The following MAFG variants were observed in gnomAD, a reference collection of about 807,000 sequenced individuals.
MAFG encodes the protein MAF bZIP transcription factor G.
MAFG carries 3 observed loss-of-function variants against 12.2 expected under a neutral mutation model. The observed-to-expected ratio is 0.25, with a 90% CI of 0.11 to 0.64. The LOEUF is 0.64. Among genes scored for constraint, MAFG ranks in the 30% least tolerant of loss-of-function variants. The pLI, the probability that MAFG is intolerant of heterozygous loss-of-function variation, is 0.85. For synonymous variants in MAFG, 126 were observed against 109.1 expected, an observed-to-expected ratio of 1.15 and a Z score of -0.96; for missense variants, 153 against 235.5, an observed-to-expected ratio of 0.65 and a Z score of 2.29.
chr17:81,927,234 G>A lies in MAFG; in HGVS notation c.-30+294C>T, dbSNP rs1019111347. On this transcript the variant is annotated intron_variant, in intron 1 of 2. Coordinates refer to ENST00000357736, the MANE Select transcript of MAFG (RefSeq NM_002359.4). ...CAGTGCCCCTCCCTCCAGGACGCCC[G>A]GGTCTCCGAGTCCGCTCCGCACTCG... Among the ~76,000 whole-genome samples, 5 of 151,458 alleles carry A rather than the reference G, an allele frequency of 3.3e-5. No homozygotes were observed. The East Asian group carries it at 7.8e-4, about 24-fold the overall frequency.
At chr17:81,923,784 C>T (rs1261546386) in intron 1 of MAFG, among the ~76,000 whole-genome samples, 1 of 152,214 alleles carries the variant, frequency 6.6e-6, no homozygotes, top group African/African-American at 2.4e-5. Context: ...CAGCCACCTC[C>T]CCTGAGCCGG....
rs1328125289 is a variant in MAFG, at chr17:81,923,002, G to A, written c.92C>T (p.Thr31Ile). Residue 31 changes from threonine to isoleucine, a missense_variant, in exon 3 of 3, where the codon ACC becomes ATC. Around this residue, in one of 3 missense-constraint regions of MAFG, gnomAD observed 43 missense variants for 65.6 expected, o/e 0.66. Transcript: ENST00000357736. ...CTGGTTCAGCTCCCGCACCGACATGGTCACCAGCTCCTCATCCGTCAGGCT... is the reference window on the plus strand; with the variant it reads ...CTGGTTCAGCTCCCGCACCGACATGATCACCAGCTCCTCATCCGTCAGGCT... Reference protein sequence around the residue: ...GTSLTDEELVTMSVRELNQHL... With the variant: ...GTSLTDEELVIMSVRELNQHL... The A allele has an allele frequency of 6.3e-7, 1 of 1,597,906 alleles. No homozygotes were observed. Among genetic ancestry groups the A allele is most frequent in the Non-Finnish European group, 8.5e-7 (1 of 1,172,180 alleles).
rs2040854992 is a variant in MAFG at position 81,918,711 on chromosome 17, CAGG to C, written c.*3891_*3893del. Reference sequence around the variant, plus strand: ...ACGCGGGCAGCCCTTGTCCTGTTGCCAGGAGAAGGCTTTCTGTGCCCACTCCCG... The same window carrying C: ...ACGCGGGCAGCCCTTGTCCTGTTGCCAGAAGGCTTTCTGTGCCCACTCCCG... On this transcript the variant is annotated 3_prime_UTR_variant, in exon 3 of 3. Transcript: ENST00000357736. The C allele has an allele frequency of 6.6e-6, 1 of 152,390 alleles. No individual in the cohort carries two copies. Among genetic ancestry groups the C allele is most frequent in the Non-Finnish European group, 1.5e-5 (1 of 68,136 alleles). 9.4% of individuals were successfully genotyped at this position (152,390 alleles called of 1,614,324 possible).
Position 81,922,655 on chromosome 17 carries a change from C to A in MAFG, c.439G>T (p.Ala147Ser). The change falls in exon 3 of 3, where the codon GCC (alanine) becomes TCC (serine). Residue 147 changes from alanine to serine, a missense_variant. Physicochemically the swap from Ala to Ser is moderately conservative, Grantham distance 99. Transcript: ENST00000357736. ...TTTACTATTGTGATGACGCTGGTGG[C>A]GGCCACCTTGCCTGGGACGAGGGGC... ...LGPLVPGKVA[A>S]TSVITIVKSK... 1 of 1,503,874 alleles carries A rather than the reference C, an allele frequency of 6.6e-7. No homozygotes were observed. The highest frequency in any genetic ancestry group is 2.3e-5 in the East Asian group (1 of 42,628). 93.2% of individuals were successfully genotyped at this position (1,503,874 alleles called of 1,614,324 possible).
rs1205199864 is a variant in MAFG, at chr17:81,919,954, C to T, written c.*2651G>A. The T allele has an allele frequency of 6.6e-6, 1 of 152,210 alleles. No individual in the cohort carries two copies. The highest frequency in any genetic ancestry group is 1.5e-5 in the Non-Finnish European group (1 of 68,056). 9.4% of individuals were successfully genotyped at this position (152,210 alleles called of 1,614,324 possible). ...CCTGCACCTCCCATTCAGCACGCGT[C>T]GACCCTTACACCCTCCTCTTCCACA... On this transcript the variant is annotated 3_prime_UTR_variant, in exon 3 of 3. Transcript: ENST00000357736.
rs2040881564 is a variant in MAFG at position 81,920,833 on chromosome 17, T to G, written c.*1772A>C. The G allele has an allele frequency of 6.6e-6, 1 of 152,222 alleles. No individual in the cohort carries two copies. The highest frequency in any genetic ancestry group is 2.1e-4 in the South Asian group (1 of 4,828). 9.4% of individuals were successfully genotyped at this position (152,222 alleles called of 1,614,324 possible). Reference sequence around the variant, plus strand: ...GTGGAGACCCCCAAGGCTCTCAGAGTGAGGCAGGGACAAGGAAGAAAGGGC... The same window carrying G: ...GTGGAGACCCCCAAGGCTCTCAGAGGGAGGCAGGGACAAGGAAGAAAGGGC... On this transcript the variant is annotated 3_prime_UTR_variant, in exon 3 of 3. Coordinates refer to ENST00000357736, the MANE Select transcript of MAFG (RefSeq NM_002359.4).
chr17:81,923,296 G>C, intron 1 of MAFG, 82 bp from the exon 2 acceptor site: 3 of 895,768 alleles, frequency 3.3e-6, no homozygotes, highest in Non-Finnish European at 4.6e-6. Context: ...CAGTTCACAA[G>C]AGCCCTTGCC....
upstream of MAFG, among the ~76,000 whole-genome samples, chr17:81,931,177 G>A (rs574161901): frequency 2.6e-4 from 40 of 152,252 alleles, no homozygotes; most frequent in African/African-American, 9.4e-4. Flanking sequence ...TGAAGCAAAC[G>A]CCTCCTTGCA....
rs762094898 is a variant in MAFG, at chr17:81,922,594, G to C, written c.*11C>G. ...GGCCCCGCAAAGACCCGCCTGGGCA[G>C]ACGCGCGTCCCTACGATCGGGCATC... On this transcript the variant is annotated 3_prime_UTR_variant, in exon 3 of 3. Coordinates refer to ENST00000357736, the MANE Select transcript of MAFG (RefSeq NM_002359.4). 6 of 1,452,294 alleles carry C rather than the reference G, an allele frequency of 4.1e-6. No homozygotes were observed. Among genetic ancestry groups the C allele is most frequent in the East Asian group, 5.1e-5 (2 of 39,208 alleles). 90.0% of individuals were successfully genotyped at this position (1,452,294 alleles called of 1,614,324 possible). A position where few individuals can be genotyped will look rare whatever the true frequency, so the allele number is the denominator to read the frequency against.
chr17:81,927,875 G>A (rs991772588), upstream of MAFG: 2 of 152,304 alleles, frequency 1.3e-5, no homozygotes, highest in East Asian at 1.9e-4. Context: ...GGCTGCTCTA[G>A]CGCCTGGCGG....
upstream of MAFG, chr17:81,930,359 C>T (rs2143838049): frequency 6.6e-6 from 1 of 152,472 alleles, no homozygotes; most frequent in East Asian, 1.9e-4. The surrounding 1 kb of genome is among the most constrained non-coding windows in gnomAD (Gnocchi z 4.1). Flanking sequence ...GGAGTCAGGG[C>T]AATTCCAACC....
chr17:81,927,021 C>T (rs1413771903), intron 1 of MAFG, among the ~76,000 whole-genome samples: 1 of 152,196 alleles, frequency 6.6e-6, no homozygotes, highest in East Asian at 1.9e-4. Flanking sequence ...AACCCGAGCC[C>T]CAGCCAGGGG....
At position 81,923,189 on chromosome 17, in the gene MAFG, C is replaced by A; in HGVS notation, c.-4G>T. ...TTCCTTTATTGGGGGTCGTCATAAC[C>A]CGGGGGCACAGCGAGCAGGCGCTCT... On this transcript the variant is annotated 5_prime_UTR_variant, in exon 2 of 3. Coordinates refer to ENST00000357736, the MANE Select transcript of MAFG (RefSeq NM_002359.4). 9.4e-6 allele frequency: 15 copies of A among 1,601,216 alleles called. No homozygotes were observed. Among genetic ancestry groups the A allele is most frequent in the Non-Finnish European group, 1.3e-5 (15 of 1,173,778 alleles).
Position 81,923,193 on chromosome 17 carries a change from G to A in MAFG, c.-8C>T, listed in dbSNP as rs1363019327. 6.2e-6 allele frequency: 10 copies of A among 1,600,754 alleles called. No homozygotes were observed. The highest frequency in any genetic ancestry group is 7.7e-6 in the Non-Finnish European group (9 of 1,173,112). On this transcript the variant is annotated 5_prime_UTR_variant, in exon 2 of 3. Coordinates refer to ENST00000357736, the MANE Select transcript of MAFG (RefSeq NM_002359.4). ...TTTATTGGGGGTCGTCATAACCCGG[G>A]GGCACAGCGAGCAGGCGCTCTCTGC...
In MAFG at chr17:81,927,676, G is replaced by C. The variant is rs920014212; in HGVS notation, c.-178C>G. 2 of 151,388 alleles carry C rather than the reference G, an allele frequency of 1.3e-5. No homozygotes were observed. The highest frequency in any genetic ancestry group is 4.9e-5 in the African/African-American group (2 of 41,068). The allele number at this position is 151,388 out of a possible 1,614,324, so 9.4% of individuals were successfully genotyped here. Reference sequence around the variant, plus strand: ...CGGGCCGGGCCGAGCGCACTGGGAAGGCCGGGCCGGACCAGGCTCGGGATC... The same window carrying C: ...CGGGCCGGGCCGAGCGCACTGGGAACGCCGGGCCGGACCAGGCTCGGGATC... On this transcript the variant is annotated 5_prime_UTR_variant, in exon 1 of 3. Transcript: ENST00000357736.
intron 1 of MAFG, among the ~76,000 whole-genome samples, chr17:81,923,822 G>C (rs1374786093): frequency 6.6e-6 from 1 of 152,202 alleles, no homozygotes; most frequent in African/African-American, 2.4e-5. Context: ...TGCTCCCTGG[G>C]TGCACAGGGG....
rs1056268757 is a variant in MAFG at position 81,926,665 on chromosome 17, C to T, written c.-30+863G>A. ...TCCCAGTTTGGAAAACTGCTCCAGA[C>T]TTGGGACCAGGACCAGCTGCCGGAA... On this transcript the variant is annotated intron_variant, in intron 1 of 2. Coordinates refer to ENST00000357736, the MANE Select transcript of MAFG (RefSeq NM_002359.4). This position sits in a 1 kb window ranked among gnomAD's most constrained non-coding sequence, Gnocchi z 4.6. Among the ~76,000 whole-genome samples the T allele has an allele frequency of 1.3e-5, 2 of 152,184 alleles. No homozygotes were observed. Among genetic ancestry groups the T allele is most frequent in the African/African-American group, 4.8e-5 (2 of 41,442 alleles).
chr17:81,923,265 C>CCG (rs1555620243), intron 1 of MAFG, 51 bp from the exon 2 acceptor site: 3 of 884,382 alleles, frequency 3.4e-6, no homozygotes, highest in African/African-American at 5.3e-5. Flanking sequence ...TCGCCGCACC[C>CCG]CCCCCCCCCC....
At position 81,926,987 on chromosome 17, in the gene MAFG, C is replaced by A. The variant is rs897007820; in HGVS notation, c.-30+541G>T. ...GCTGATGACTCAGCAAGTCTCCCTC[C>A]GGGCTCTGGCACGCGACTGACGGAA... is the stretch of plus-strand genomic sequence containing the variant. On this transcript the variant is annotated intron_variant, in intron 1 of 2. Coordinates refer to ENST00000357736, the MANE Select transcript of MAFG (RefSeq NM_002359.4). This position sits in a 1 kb window ranked among gnomAD's most constrained non-coding sequence, Gnocchi z 4.6. Among the ~76,000 whole-genome samples, 1 of 152,178 alleles carries A rather than the reference C, an allele frequency of 6.6e-6. No homozygotes were observed. Among genetic ancestry groups the A allele is most frequent in the Non-Finnish European group, 1.5e-5 (1 of 68,012 alleles).
Sources: allele counts gnomAD v4.1 joint callset (sites outside exome capture counted in the v4.1 genomes callset), GRCh38; gene constraint gnomAD v4.1.1; regional missense constraint gnomAD v4.1.1; non-coding constraint Gnocchi (gnomAD v3.1); transcripts MANE v1.5; gene names NCBI Gene and HGNC (gene_info 2026-07-23, HGNC 2026-07-21).